Variants in POLQ observed in about 807,000 individuals in gnomAD.
POLQ encodes the protein epididymis secretory sperm binding protein.
A neutral mutation model predicts 259.2 loss-of-function variants in POLQ; 233 were observed. That is an observed-to-expected ratio of 0.90 (90% CI 0.81 to 1.00). The LOEUF (loss-of-function observed/expected upper bound fraction) is 1.00. POLQ is among the 50% of genes least tolerant of loss of function. The pLI is 0.00. For missense variants in POLQ, 2,871 were observed against 3,051.6 expected (o/e 0.94, Z 1.39); for synonymous variants, 1,025 against 1,048.8 (o/e 0.98, Z 0.44).
chr3:121,488,850 G>A lies in POLQ; in HGVS notation c.4081C>T (p.Gln1361Ter). The A allele has an allele frequency of 1.2e-6, 2 of 1,613,950 alleles. No homozygotes were observed. Among genetic ancestry groups the A allele is most frequent in the Middle Eastern group, 3.3e-4 (2 of 6,062 alleles). Residue 1361 changes from glutamine (Q) to a stop codon, truncating the protein, a stop_gained, in exon 16 of 30, where the codon CAG becomes TAG. Transcript: ENST00000264233. LOFTEE classifies it high-confidence loss of function. ...AGIMQKSLVQ[Q>*]NSMNSFQKEC... ...TTCTGAAAAGAGTTCATTGAGTTCTGTTGGACTAAGCTCTTCTGCATTATC... is the reference window on the plus strand; with the variant it reads ...TTCTGAAAAGAGTTCATTGAGTTCTATTGGACTAAGCTCTTCTGCATTATC...
intron 25 of POLQ, among the ~76,000 whole-genome samples, chr3:121,459,388 T>TTTG (rs2047772130): frequency 1.4e-5 from 2 of 146,474 alleles, no homozygotes; most frequent in South Asian, 2.3e-4. Flanking sequence ...TTTTTTTTTT[T>TTTG]TTTTGTTTTT....
At chr3:121,479,678 C>T (rs997464339) in intron 19 of POLQ, among the ~76,000 whole-genome samples, 2 of 152,030 alleles carry the variant, frequency 1.3e-5, no homozygotes, top group African/African-American at 4.8e-5. Flanking sequence ...GTCTCAAACT[C>T]CTGGCCTCAA....
chr3:121,539,721 GC>G, intron 3 of POLQ, 132 bp from the exon 4 acceptor site: 1 of 687,192 alleles, frequency 1.5e-6, no homozygotes, highest in Non-Finnish European at 2.5e-6. Context: ...GTTGTTTCTG[GC>G]CAGGACACAC....
At position 121,489,327 on chromosome 3, in the gene POLQ, C is replaced by T; in HGVS notation, c.3604G>A (p.Glu1202Lys). The T allele has an allele frequency of 6.2e-7, 1 of 1,613,520 alleles. No individual in the cohort carries two copies. ...INQYLRKQSH[E>K]QTSTITKQKN... ...TGTTTGGTAATAGTGCTTGTCTGTT[C>T]ATGAGATTGCTTTCGCAGGTACTGG... The change falls in exon 16 of 30, where the codon GAA (glutamate) becomes AAA (lysine). Residue 1202 changes from glutamate to lysine, a missense_variant. By Grantham distance (56) the Glu-to-Lys change is moderately conservative. This residue lies in a region of POLQ where 2,080 missense variants were observed against 2,126.0 expected (regional missense o/e 0.98). Transcript: ENST00000264233.
At position 121,483,373 on chromosome 3, in the gene POLQ, TTAGACA is replaced by T. The variant is rs746631071; in HGVS notation, c.5970+7_5970+12del. The stretch of plus-strand genomic sequence containing the variant: ...TTGTTTTAAGTATATAAAAATTAAA[TTAGACA>T]TAGAACCTTAGGATCTTCATAACTT... On this transcript the variant is annotated splice_region_variant and intron_variant, in intron 18 of 29. Transcript: ENST00000264233. 1.6e-5 allele frequency: 23 copies of T among 1,449,586 alleles called. No individual in the cohort carries two copies. The highest frequency in any genetic ancestry group is 2.1e-5 in the Non-Finnish European group (23 of 1,086,634). 89.8% of individuals were successfully genotyped at this position (1,449,586 alleles called of 1,614,324 possible). A position where few individuals can be genotyped will look rare whatever the true frequency, so the allele number is the denominator to read the frequency against.
chr3:121,543,561 G>A (rs2048505535), intron 2 of POLQ, among the ~76,000 whole-genome samples: 1 of 152,192 alleles, frequency 6.6e-6, no homozygotes, highest in African/African-American at 2.4e-5. Context: ...CAGCCATAAT[G>A]AAAAATCTGT....
At chr3:121,450,047 G>T (rs1287531953) in intron 25 of POLQ, among the ~76,000 whole-genome samples, 1 of 152,082 alleles carries the variant, frequency 6.6e-6, no homozygotes, top group Non-Finnish European at 1.5e-5. Context: ...AGGACGGCCG[G>T]GGTTCAAAGC....
At chr3:121,475,516 A>G (rs2047918393) in intron 20 of POLQ, among the ~76,000 whole-genome samples, 1 of 152,208 alleles carries the variant, frequency 6.6e-6, no homozygotes, top group Non-Finnish European at 1.5e-5. Context: ...GAAAAATAAA[A>G]CACTATTAAA....
rs562239775 is a variant in POLQ, at chr3:121,456,576, T to C, written c.7152+3474A>G. 9.3e-4 allele frequency among the ~76,000 whole-genome samples: 141 copies of C among 152,056 alleles called. 1 individual carries two copies. Among genetic ancestry groups the C allele is most frequent in the African/African-American group, 3.0e-3 (126 of 41,468 alleles). ...CAATGTACAAAAATCACAAGCATTC[T>C]TATACACCAATAACAGACAAACAGA... On this transcript the variant is annotated intron_variant, in intron 25 of 29. Coordinates refer to ENST00000264233, the MANE Select transcript of POLQ (RefSeq NM_199420.4).
chr3:121,537,233 GT>G, intron 4 of POLQ, 25 bp from the exon 5 acceptor site: 2 of 1,284,400 alleles, frequency 1.6e-6, no homozygotes, highest in Non-Finnish European at 2.3e-6. Context: ...CAGATACTAG[GT>G]TTTTACAGAA....
chr3:121,487,823 C>A lies in POLQ; in HGVS notation c.5108G>T (p.Ser1703Ile). 6.2e-7 allele frequency: 1 copy of A among 1,609,106 alleles called. No homozygotes were observed. Among genetic ancestry groups the A allele is most frequent in the Non-Finnish European group, 8.5e-7 (1 of 1,178,610 alleles). The stretch of plus-strand genomic sequence containing the variant: ...ATTGTTTTCTAGCATCTCAATCTTG[C>A]TTTTTACTTCATTATTAGAAGAAAA... ...ISFSSNNEVK[S>I]KIEMLENNAN... is the part of the protein sequence containing the mutation. The change falls in exon 16 of 30, where the codon AGC (serine) becomes ATC (isoleucine). Residue 1703 changes from serine to isoleucine, a missense_variant. Coordinates refer to ENST00000264233, the MANE Select transcript of POLQ (RefSeq NM_199420.4).
Position 121,520,020 on chromosome 3 carries a change from A to G in POLQ, c.1319T>C (p.Leu440Ser). ...AGAAGAAAGAGTAGAAGTTGCCGCC[A>G]AGACCCGAATGAGACCTTGACGAAA... ...GAFRQGLIRV[L>S]AATSTLSSGV... The change falls in exon 9 of 30, where the codon TTG (leucine) becomes TCG (serine). Residue 440 changes from leucine to serine, a missense_variant. Around this residue, in one of 3 missense-constraint regions of POLQ, gnomAD observed 783 missense variants for 906.2 expected, o/e 0.86. Transcript: ENST00000264233. 1 of 1,613,844 alleles carries G rather than the reference A, an allele frequency of 6.2e-7. No individual in the cohort carries two copies. Among genetic ancestry groups the G allele is most frequent in the Non-Finnish European group, 8.5e-7 (1 of 1,179,722 alleles).
At chr3:121,521,046 A>G (rs1489750648) in intron 8 of POLQ, among the ~76,000 whole-genome samples, 1 of 152,214 alleles carries the variant, frequency 6.6e-6, no homozygotes, top group Non-Finnish European at 1.5e-5. Flanking sequence ...AGTATGCATC[A>G]TAAATTACAT....
chr3:121,521,476 A>G (rs887316047), intron 8 of POLQ: 7 of 152,236 alleles, frequency 4.6e-5, no homozygotes, highest in East Asian at 1.9e-4. Context: ...GGTACTATCT[A>G]TGGTTTCAGA....
chr3:121,489,683 G>GT lies in POLQ; in HGVS notation c.3247dup (p.Thr1083AsnfsTer4). The GT allele has an allele frequency of 6.2e-7, 1 of 1,613,760 alleles. No homozygotes were observed. Among genetic ancestry groups the GT allele is most frequent in the Non-Finnish European group, 8.5e-7 (1 of 1,179,906 alleles). ...AAATTCCGTTTTCTTCTCATCTAAG[G>GT]TAAACGGGTCTTCACAAAGACTAGG... is the stretch of plus-strand genomic sequence containing the variant. On this transcript the variant is annotated frameshift_variant, in exon 16 of 30. Coordinates refer to ENST00000264233, the MANE Select transcript of POLQ (RefSeq NM_199420.4). LOFTEE classifies it high-confidence loss of function.
chr3:121,434,289 G>A (rs147412365), intron 28 of POLQ, among the ~76,000 whole-genome samples: 41 of 152,232 alleles, frequency 2.7e-4, no homozygotes, highest in Admixed American at 2.3e-3. Flanking sequence ...CATCCTCAGC[G>A]ACAGAGCCAT....
At chr3:121,530,851 T>C (rs2048406088) in intron 6 of POLQ, among the ~76,000 whole-genome samples, 1 of 152,224 alleles carries the variant, frequency 6.6e-6, no homozygotes, top group Non-Finnish European at 1.5e-5. Context: ...TCTACCCTCA[T>C]AATGTTTCTA....
At position 121,481,023 on chromosome 3, in the gene POLQ, A is replaced by G. The variant is rs376931635; in HGVS notation, c.6211+549T>C. On this transcript the variant is annotated intron_variant, in intron 19 of 29. Transcript: ENST00000264233. ...TGCTTGATCTGGGCCAGCAGATAAC[A>G]ATGACAATAAATTCATGTTATTTGT... 1.5e-4 allele frequency among the ~76,000 whole-genome samples: 23 copies of G among 152,338 alleles called. 1 individual carries two copies. In the East Asian group the frequency reaches 3.7e-3, roughly 24 times the overall value.
chr3:121,529,745 A>G lies in POLQ; in HGVS notation c.1008T>C (p.Asp336=), dbSNP rs1436141104. The change falls in exon 7 of 30, where the codon GAT becomes GAC. Residue 336 remains aspartate, a synonymous_variant. Coordinates refer to ENST00000264233, the MANE Select transcript of POLQ (RefSeq NM_199420.4). ...GACAAAAAAGTAATACTGAATGGTT[A>G]TCACAAATCGTCTCATAACATAAAC... ...VVSLCYETIC[D]NHSVLLFCPS... is the part of the protein sequence containing the mutation. 1.2e-6 allele frequency: 2 copies of G among 1,612,160 alleles called. No homozygotes were observed. The highest frequency in any genetic ancestry group is 1.1e-5 in the South Asian group (1 of 90,988).
Sources: allele counts gnomAD v4.1 joint callset (sites outside exome capture counted in the v4.1 genomes callset), GRCh38; gene constraint gnomAD v4.1.1; regional missense constraint gnomAD v4.1.1; transcripts MANE v1.5; gene names NCBI Gene and HGNC (gene_info 2026-07-23, HGNC 2026-07-21).